Variants in CYB5R4 observed in about 807,000 individuals in gnomAD.
CYB5R4 encodes N-terminal cytochrome b5 and cytochrome b5 oxidoreductase domain-containing protein.
Under a neutral mutation model 70.2 loss-of-function variants are expected in CYB5R4, and 55 were observed. The observed-to-expected ratio is 0.78, with a 90% CI of 0.63 to 0.98. The LOEUF (loss-of-function observed/expected upper bound fraction) is 0.98, where lower values mean the gene tolerates loss of function less well. CYB5R4 is among the 50% of genes least tolerant of loss of function. CYB5R4 has a pLI of 0.00. For synonymous variants in CYB5R4, 197 were observed against 199.5 expected (o/e 0.99, Z 0.11); for missense variants, 562 against 612.6 (o/e 0.92, Z 0.87).
At chr6:83,936,449 T>G in intron 12 of CYB5R4, 73 bp downstream of exon 12, 3 of 1,304,470 alleles carry the variant, frequency 2.3e-6, no homozygotes, top group Non-Finnish European at 3.2e-6. Context: ...GTTATCTCCA[T>G]GTAGGAGTCT....
At chr6:83,884,613 A>G (rs946806981) in intron 2 of CYB5R4, among the ~76,000 whole-genome samples, 3 of 152,148 alleles carry the variant, frequency 2.0e-5, no homozygotes, top group African/African-American at 7.2e-5. Context: ...GGAAGTAATT[A>G]CAATAATGTG....
At chr6:83,893,381 C>G in intron 2 of CYB5R4, 141 bp from the exon 3 acceptor site, 1 of 571,122 alleles carries the variant, frequency 1.8e-6, no homozygotes, top group Non-Finnish European at 3.1e-6. Flanking sequence ...AGATCCTTTA[C>G]AGTTAGTTCT....
chr6:83,960,485 A>G lies in CYB5R4; in HGVS notation c.*607A>G, dbSNP rs1364986206. On this transcript the variant is annotated 3_prime_UTR_variant, in exon 16 of 16. Coordinates refer to ENST00000369681, the MANE Select transcript of CYB5R4 (RefSeq NM_016230.4). ...ATATTGGGCCAGCGTCTCAAGGGGA[A>G]TTTTAAAAGGCAGCAATAAAATATA... 1.3e-5 allele frequency: 2 copies of G among 152,248 alleles called. No homozygotes were observed. The highest frequency in any genetic ancestry group is 2.9e-5 in the Non-Finnish European group (2 of 68,052). 9.4% of individuals were successfully genotyped at this position (152,248 alleles called of 1,614,324 possible).
chr6:83,885,779 GA>G (rs2099460160), intron 2 of CYB5R4, among the ~76,000 whole-genome samples: 1 of 152,118 alleles, frequency 6.6e-6, no homozygotes, highest in Non-Finnish European at 1.5e-5. Flanking sequence ...AGAGCTCTCT[GA>G]AATTGGAACC....
intron 5 of CYB5R4, among the ~76,000 whole-genome samples, chr6:83,914,857 A>G (rs1032761560): frequency 3.3e-5 from 4 of 120,842 alleles, no homozygotes; most frequent in African/African-American, 6.4e-5. Flanking sequence ...TTTTTTTTTT[A>G]ATATGAAAGA....
intron 14 of CYB5R4, among the ~76,000 whole-genome samples, chr6:83,951,428 TC>T (rs2099471504): frequency 6.6e-6 from 1 of 151,970 alleles, no homozygotes; most frequent in Admixed American, 6.6e-5. Context: ...AATTCATCCC[TC>T]CCCTGCCCCT....
At chr6:83,949,338 A>G (rs1023671193) in intron 14 of CYB5R4, among the ~76,000 whole-genome samples, 2 of 152,072 alleles carry the variant, frequency 1.3e-5, no homozygotes, top group Non-Finnish European at 2.9e-5. Context: ...AGGAAAGTAA[A>G]AGTTAAGATT....
At chr6:83,951,277 A>G (rs2099471475) in intron 14 of CYB5R4, among the ~76,000 whole-genome samples, 1 of 151,958 alleles carries the variant, frequency 6.6e-6, no homozygotes, top group African/African-American at 2.4e-5. Flanking sequence ...TATTAGGTCA[A>G]ACTGTTTTAA....
At chr6:83,913,792 T>G (rs900570454) in intron 4 of CYB5R4, among the ~76,000 whole-genome samples, 3 of 152,144 alleles carry the variant, frequency 2.0e-5, no homozygotes, top group Non-Finnish European at 4.4e-5. Flanking sequence ...AGGTGTTTAG[T>G]TTGACTATAA....
intron 1 of CYB5R4, among the ~76,000 whole-genome samples, chr6:83,860,801 C>T (rs1323849403): frequency 1.3e-5 from 2 of 152,152 alleles, no homozygotes; most frequent in Non-Finnish European, 2.9e-5. Context: ...CATTAGCTTT[C>T]CAGAGATTTC....
intron 2 of CYB5R4, among the ~76,000 whole-genome samples, chr6:83,886,796 A>G (rs754933575): frequency 1.3e-5 from 2 of 152,170 alleles, no homozygotes; most frequent in Non-Finnish European, 2.9e-5. Context: ...ATTTTTAATA[A>G]ATTTTAAAAT....
chr6:83,872,867 A>G (rs899066461), intron 2 of CYB5R4, among the ~76,000 whole-genome samples: 2 of 152,230 alleles, frequency 1.3e-5, no homozygotes, highest in African/African-American at 2.4e-5. Context: ...TGAAGCATAT[A>G]TGACAGGGAG....
chr6:83,917,588 A>C (rs11965258), intron 5 of CYB5R4, among the ~76,000 whole-genome samples: 2,153 of 152,260 alleles, frequency 0.014, 50 homozygotes, highest in African/African-American at 0.049. Context: ...AATTTCAGAA[A>C]GCCTAGATTT....
chr6:83,956,616 G>A (rs750950887), intron 15 of CYB5R4, among the ~76,000 whole-genome samples: 22 of 152,130 alleles, frequency 1.4e-4, no homozygotes, highest in Non-Finnish European at 3.1e-4. Context: ...ACCTCTTCAG[G>A]ATTGGACTGG....
At chr6:83,932,605 A>G (rs2099468323) in intron 10 of CYB5R4, among the ~76,000 whole-genome samples, 1 of 152,118 alleles carries the variant, frequency 6.6e-6, no homozygotes, top group African/African-American at 2.4e-5. Context: ...CCACAAGGTG[A>G]GGAGTATTGC....
At chr6:83,914,576 C>T in intron 5 of CYB5R4, 128 bp downstream of exon 5, 1 of 815,968 alleles carries the variant, frequency 1.2e-6, no homozygotes, top group Non-Finnish European at 1.7e-6. Context: ...ATTGCTTTGT[C>T]ACCCAGGCTG....
intron 8 of CYB5R4, 111 bp downstream of exon 8, chr6:83,921,286 G>T (rs1413192471): frequency 4.9e-6 from 5 of 1,016,466 alleles, no homozygotes; most frequent in African/African-American, 1.7e-5. Flanking sequence ...TTACCATTTT[G>T]GTTTGTCATT....
chr6:83,927,722 T>C (rs1321339663), intron 10 of CYB5R4, among the ~76,000 whole-genome samples: 1 of 152,090 alleles, frequency 6.6e-6, no homozygotes, highest in East Asian at 1.9e-4. Flanking sequence ...CTTCAAACCA[T>C]GTCGTTTTGG....
intron 2 of CYB5R4, among the ~76,000 whole-genome samples, chr6:83,888,224 CAT>C (rs2099460549): frequency 1.3e-5 from 2 of 152,246 alleles, no homozygotes; most frequent in African/African-American, 4.8e-5. Context: ...AGGTGGAACT[CAT>C]AGAAGGCTAG....
Sources: allele counts gnomAD v4.1 joint callset (sites outside exome capture counted in the v4.1 genomes callset), GRCh38; gene constraint gnomAD v4.1.1; transcripts MANE v1.5; gene names NCBI Gene and HGNC (gene_info 2026-07-23, HGNC 2026-07-21).